Variants in PCDHA2 observed in about 807,000 individuals in gnomAD.
PCDHA2 encodes protocadherin alpha-2.
PCDHA2 carries 58 observed loss-of-function variants against 66.0 expected under a neutral mutation model. The ratio of observed to expected loss-of-function variants is 0.88; its 90% CI spans 0.71 to 1.09. The LOEUF (loss-of-function observed/expected upper bound fraction) is 1.09, where lower values mean the gene tolerates loss of function less well. Among genes scored for constraint, PCDHA2 ranks in the 50% least tolerant of loss-of-function variants. PCDHA2 has a pLI of 0.00. For synonymous variants in PCDHA2, 634 were observed against 554.0 expected (o/e 1.14, Z -2.03); for missense variants, 1,267 against 1,242.3 (o/e 1.02, Z -0.30).
At chr5:140,907,564 C>A (rs782642591) in intron 1 of PCDHA2, among the ~76,000 whole-genome samples, 1 of 152,228 alleles carries the variant, frequency 6.6e-6, no homozygotes, top group African/African-American at 2.4e-5. Flanking sequence ...ATATAATCAA[C>A]TTGCCACCAG....
chr5:140,856,715 G>C, intron 1 of PCDHA2: 2 of 1,596,442 alleles, frequency 1.3e-6, no homozygotes, highest in African/African-American at 1.3e-5. Flanking sequence ...TGAATTTACC[G>C]GATCTGTTTC....
At chr5:140,958,796 T>C (rs2095443333) in intron 1 of PCDHA2, among the ~76,000 whole-genome samples, 2 of 152,182 alleles carry the variant, frequency 1.3e-5, no homozygotes, top group Admixed American at 6.5e-5. Context: ...TCTAGTAAAT[T>C]ATCACACCAT....
chr5:140,795,637 A>G lies in PCDHA2; in HGVS notation c.673A>G (p.Thr225Ala). The G allele has an allele frequency of 6.2e-7, 1 of 1,614,184 alleles. No homozygotes were observed. Among genetic ancestry groups the G allele is most frequent in the Non-Finnish European group, 8.5e-7 (1 of 1,180,036 alleles). ...TGGGGGCAAACCTGAGCTCACGGGC[A>G]CCGTTCAAATACTTATTAAGGTATT... is the stretch of plus-strand genomic sequence containing the variant. ...TDGGKPELTG[T>A]VQILIKVLDV... Residue 225 changes from threonine to alanine, a missense_variant, in exon 1 of 4, where the codon ACC (threonine) becomes GCC (alanine). By Grantham distance (58) the Thr-to-Ala change is moderately conservative. Coordinates refer to ENST00000526136, the MANE Select transcript of PCDHA2 (RefSeq NM_018905.3).
chr5:140,965,794 C>T (rs1554227851), intron 1 of PCDHA2, among the ~76,000 whole-genome samples: 1 of 152,170 alleles, frequency 6.6e-6, no homozygotes, highest in Non-Finnish European at 1.5e-5. Flanking sequence ...TTCATGGAGA[C>T]TATTTTTTTA....
intron 1 of PCDHA2, among the ~76,000 whole-genome samples, chr5:140,891,443 T>C (rs1181273099): frequency 6.7e-6 from 1 of 148,474 alleles, no homozygotes; most frequent in Non-Finnish European, 1.5e-5. Flanking sequence ...GTCCATTGTA[T>C]AGGATTTTTG....
At chr5:140,966,831 G>A in intron 1 of PCDHA2, 1 of 1,563,110 alleles carries the variant, frequency 6.4e-7, no homozygotes, top group Non-Finnish European at 8.6e-7. Flanking sequence ...CCCATGCCCT[G>A]GCTGCTGCTA....
chr5:140,927,495 G>C (rs111935715), intron 1 of PCDHA2: 2 of 1,614,128 alleles, frequency 1.2e-6, no homozygotes, highest in African/African-American at 1.3e-5. Context: ...CCCACCTGCT[G>C]GTGCTTACAG....
Position 140,850,539 on chromosome 5 carries a change from G to A in PCDHA2, c.2388+53187G>A, listed in dbSNP as rs1310321897. 6.3e-7 allele frequency: 1 copy of A among 1,598,284 alleles called. No individual in the cohort carries two copies. Among genetic ancestry groups the A allele is most frequent in the Non-Finnish European group, 8.6e-7 (1 of 1,167,870 alleles). On this transcript the variant is annotated intron_variant, in intron 1 of 3. Coordinates refer to ENST00000526136, the MANE Select transcript of PCDHA2 (RefSeq NM_018905.3). ...CCAGGCGCCAAAGTCATCGTCGCGG[G>A]CGTCAGTGGGTGCCACGGGCCCCGA...
chr5:140,815,956 G>A (rs1554126939), intron 1 of PCDHA2: 1 of 152,172 alleles, frequency 6.6e-6, no homozygotes, highest in Non-Finnish European at 1.5e-5. Context: ...GGTAGAGTTA[G>A]GGGTGTTCTT....
At chr5:140,907,166 A>C (rs2073212277) in intron 1 of PCDHA2, among the ~76,000 whole-genome samples, 2 of 152,174 alleles carry the variant, frequency 1.3e-5, no homozygotes, top group Non-Finnish European at 2.9e-5. Context: ...CATATATTGG[A>C]TGCTGATTCA....
At chr5:140,884,016 G>T (rs143828814) in intron 1 of PCDHA2, 1 of 1,613,208 alleles carries the variant, frequency 6.2e-7, no homozygotes, top group Non-Finnish European at 8.5e-7. Flanking sequence ...CTGATGCCGC[G>T]GTCGGTGGGT....
At chr5:140,908,348 T>C (rs977122453) in intron 1 of PCDHA2, among the ~76,000 whole-genome samples, 43 of 152,160 alleles carry the variant, frequency 2.8e-4, no homozygotes, top group Non-Finnish European at 5.3e-4. Flanking sequence ...CACTACCTCA[T>C]GTAACTTACT....
chr5:140,900,167 T>C (rs756471243), intron 1 of PCDHA2, among the ~76,000 whole-genome samples: 1 of 152,238 alleles, frequency 6.6e-6, no homozygotes, highest in Non-Finnish European at 1.5e-5. Context: ...TGTCTTTCTG[T>C]GCCTGGTTTA....
chr5:140,882,770 T>C (rs781904504), intron 1 of PCDHA2: 4 of 1,614,144 alleles, frequency 2.5e-6, no homozygotes, highest in Non-Finnish European at 3.4e-6. Flanking sequence ...AAACTCGGCA[T>C]TGACCTACCG....
intron 1 of PCDHA2, chr5:140,883,809 G>A (rs781801106): frequency 6.2e-7 from 1 of 1,612,420 alleles, no homozygotes; most frequent in East Asian, 2.2e-5. Context: ...CACGCGGAGA[G>A]CGGCAAGGTG....
chr5:140,827,867 C>A, intron 1 of PCDHA2: 1 of 615,732 alleles, frequency 1.6e-6, no homozygotes, highest in African/African-American at 1.8e-5. Context: ...TATGGTATAG[C>A]ACTGTTACGT....
At chr5:140,842,004 T>G (rs1554138709) in intron 1 of PCDHA2, 6 of 1,613,692 alleles carry the variant, frequency 3.7e-6, no homozygotes, top group Non-Finnish European at 5.1e-6. Context: ...ACTGTTCAGC[T>G]GCTGGTCACA....
At chr5:140,883,667 A>G in intron 1 of PCDHA2, 1 of 1,613,568 alleles carries the variant, frequency 6.2e-7, no homozygotes. Context: ...CGTGAAGGAA[A>G]ACAATCCGCC....
chr5:140,798,293 T>C (rs1030310020), intron 1 of PCDHA2, among the ~76,000 whole-genome samples: 1 of 152,236 alleles, frequency 6.6e-6, no homozygotes, highest in African/African-American at 2.4e-5. Context: ...ATCTTAAGTA[T>C]GTTTTTTATA....
Sources: allele counts gnomAD v4.1 joint callset (sites outside exome capture counted in the v4.1 genomes callset), GRCh38; gene constraint gnomAD v4.1.1; transcripts MANE v1.5; gene names NCBI Gene and HGNC (gene_info 2026-07-23, HGNC 2026-07-21).